Variants in GALNT13 observed in about 807,000 individuals in gnomAD.
The protein encoded by GALNT13 is polypeptide N-acetylgalactosaminyltransferase 13, also known as UDP-GalNAc:polypeptide N-acetylgalactosaminyltransferase 13.
In GALNT13, 28 loss-of-function variants were observed where a neutral mutation model predicts 64.2. That is an observed-to-expected ratio of 0.44 (90% CI 0.32 to 0.60). The LOEUF (loss-of-function observed/expected upper bound fraction) is 0.60. Among genes scored for constraint, GALNT13 ranks in the 20% least tolerant of loss-of-function variants. The probability of loss-of-function intolerance (pLI) is 0.05; values close to 1 mark genes in which losing one functional copy is unlikely to be tolerated. For synonymous variants in GALNT13, 214 were observed against 224.6 expected (o/e 0.95, Z 0.42); for missense variants, 577 against 669.8 (o/e 0.86, Z 1.53).
the GALNT13 span, among the ~76,000 whole-genome samples, chr2:153,692,243 G>A: frequency 6.6e-6 from 1 of 152,080 alleles, no homozygotes; most frequent in Admixed American, 6.5e-5. Flanking sequence ...GATCGTAAAG[G>A]GGGTTTCTGA....
At chr2:154,211,047 A>T (rs1276479030) in intron 4 of GALNT13, among the ~76,000 whole-genome samples, 1 of 152,138 alleles carries the variant, frequency 6.6e-6, no homozygotes, top group African/African-American at 2.4e-5. Flanking sequence ...ATTCAAGTGG[A>T]TATATCTAAT....
chr2:154,057,158 T>C (rs1043581294), intron 3 of GALNT13, among the ~76,000 whole-genome samples: 1 of 152,054 alleles, frequency 6.6e-6, no homozygotes, highest in Non-Finnish European at 1.5e-5. Context: ...GCTTCCTGAG[T>C]AGCTGGGACT....
At chr2:153,214,725 A>G in the GALNT13 span, among the ~76,000 whole-genome samples, 1 of 152,176 alleles carries the variant, frequency 6.6e-6, no homozygotes, top group African/African-American at 2.4e-5. Context: ...ACACAGTTTG[A>G]TAATTTAAGA....
At chr2:154,311,658 T>C (rs1484773717) in intron 9 of GALNT13, among the ~76,000 whole-genome samples, 1 of 152,186 alleles carries the variant, frequency 6.6e-6, no homozygotes, top group Non-Finnish European at 1.5e-5. Flanking sequence ...GACCAAAGTT[T>C]ATTAGGCGGG....
At chr2:154,047,628 G>C (rs1271096559) in intron 3 of GALNT13, among the ~76,000 whole-genome samples, 2 of 152,092 alleles carry the variant, frequency 1.3e-5, no homozygotes, top group African/African-American at 4.8e-5. Context: ...ACAGCACCTG[G>C]TTCATCGTAA....
the GALNT13 span, among the ~76,000 whole-genome samples, chr2:153,403,704 G>A: frequency 6.6e-5 from 10 of 152,154 alleles, no homozygotes; most frequent in African/African-American, 1.9e-4. Flanking sequence ...GGTGCTGTCC[G>A]TCACCCCTTT....
At chr2:154,367,319 C>T (rs1460443712) in intron 9 of GALNT13, among the ~76,000 whole-genome samples, 1 of 151,888 alleles carries the variant, frequency 6.6e-6, no homozygotes. Context: ...GAAATGAAAA[C>T]AAAGAAAAAT....
intron 2 of GALNT13, among the ~76,000 whole-genome samples, chr2:153,905,418 C>T (rs1276479987): frequency 6.6e-6 from 1 of 151,820 alleles, no homozygotes; most frequent in Non-Finnish European, 1.5e-5. Flanking sequence ...TAATTTATAA[C>T]TTAGGCACAG....
chr2:153,115,009 C>T, the GALNT13 span, among the ~76,000 whole-genome samples: 685 of 151,720 alleles, frequency 4.5e-3, 6 homozygotes, highest in Non-Finnish European at 7.0e-3. Flanking sequence ...GGCAATAATA[C>T]CTACCTCATG....
the GALNT13 span, among the ~76,000 whole-genome samples, chr2:153,288,989 G>A: frequency 6.6e-6 from 1 of 152,168 alleles, no homozygotes. Flanking sequence ...TAAGATTACA[G>A]TTGTAACCAG....
At chr2:153,963,918 A>T (rs949102951) in intron 3 of GALNT13, among the ~76,000 whole-genome samples, 1 of 152,122 alleles carries the variant, frequency 6.6e-6, no homozygotes, top group Non-Finnish European at 1.5e-5. Context: ...GATGAAATCT[A>T]ACGTATTTTT....
chr2:154,224,965 G>C (rs1376836534), intron 4 of GALNT13, among the ~76,000 whole-genome samples: 1 of 152,080 alleles, frequency 6.6e-6, no homozygotes, highest in Non-Finnish European at 1.5e-5. Flanking sequence ...CAGATATGTC[G>C]CAGATGGAGT....
At chr2:153,668,657 G>A in the GALNT13 span, among the ~76,000 whole-genome samples, 1 of 152,098 alleles carries the variant, frequency 6.6e-6, no homozygotes, top group Non-Finnish European at 1.5e-5. Context: ...GCCCTAGGAT[G>A]TGTTCCTGGC....
intron 2 of GALNT13, among the ~76,000 whole-genome samples, chr2:153,919,264 T>C (rs1300697584): frequency 6.6e-6 from 1 of 152,016 alleles, no homozygotes; most frequent in Non-Finnish European, 1.5e-5. Context: ...TCAATTTCCA[T>C]TGACTTGCTG....
the GALNT13 span, among the ~76,000 whole-genome samples, chr2:153,452,621 T>C: frequency 2.0e-5 from 3 of 151,912 alleles, no homozygotes; most frequent in Non-Finnish European, 4.4e-5. Flanking sequence ...TTAGAAATCA[T>C]AGATGACACA....
At chr2:154,423,233 A>G (rs1036290997) in intron 11 of GALNT13, among the ~76,000 whole-genome samples, 5 of 152,138 alleles carry the variant, frequency 3.3e-5, no homozygotes, top group African/African-American at 1.2e-4. Context: ...CCTGCAAAGG[A>G]CATGAACTCA....
chr2:153,585,701 A>G, the GALNT13 span, among the ~76,000 whole-genome samples: 1 of 152,116 alleles, frequency 6.6e-6, no homozygotes, highest in Non-Finnish European at 1.5e-5. Context: ...GGTCATCTAT[A>G]AAGGAAACTC....
the GALNT13 span, among the ~76,000 whole-genome samples, chr2:153,244,396 G>C: frequency 2.6e-5 from 4 of 152,196 alleles, no homozygotes; most frequent in African/African-American, 4.8e-5. Context: ...CTTGTCTGCA[G>C]CTCCCATTGA....
intron 9 of GALNT13, among the ~76,000 whole-genome samples, chr2:154,341,490 C>T (rs1459990579): frequency 1.3e-5 from 2 of 151,994 alleles, no homozygotes; most frequent in African/African-American, 2.4e-5. Flanking sequence ...AAGCAAAAGA[C>T]TTTGTTACAA....
Sources: allele counts gnomAD v4.1 joint callset (sites outside exome capture counted in the v4.1 genomes callset), GRCh38; gene constraint gnomAD v4.1.1; transcripts MANE v1.5; gene names NCBI Gene and HGNC (gene_info 2026-07-23, HGNC 2026-07-21).